KHDRBS2: variants seen among roughly 807,000 people sequenced by gnomAD.
The protein encoded by KHDRBS2 is KH domain-containing, RNA-binding, signal transduction-associated protein 2.
Under a neutral mutation model 44.3 loss-of-function variants are expected in KHDRBS2, and 26 were observed. The observed-to-expected ratio is 0.59, with a 90% CI of 0.43 to 0.81. The LOEUF (loss-of-function observed/expected upper bound fraction) is 0.81. Among genes scored for constraint, KHDRBS2 ranks in the 40% least tolerant of loss-of-function variants. The pLI, the probability that KHDRBS2 is intolerant of heterozygous loss-of-function variation, is 0.00. For missense variants in KHDRBS2, 476 were observed against 433.1 expected, an observed-to-expected ratio of 1.10 and a Z score of -0.88; for synonymous variants, 194 against 151.1, an observed-to-expected ratio of 1.28 and a Z score of -2.08.
chr6:61,772,536 T>A (rs551661945), intron 6 of KHDRBS2, among the ~76,000 whole-genome samples: 55 of 152,296 alleles, frequency 3.6e-4, no homozygotes, highest in African/African-American at 1.3e-3. Context: ...TATAAACACT[T>A]ATACACAAAT....
chr6:61,893,342 C>G (rs904238509), intron 6 of KHDRBS2, among the ~76,000 whole-genome samples: 3 of 152,124 alleles, frequency 2.0e-5, no homozygotes, highest in Non-Finnish European at 4.4e-5. Flanking sequence ...TTGGTGTGGC[C>G]ATTCCTCAGG....
At chr6:62,078,823 G>T (rs1210253598) in intron 2 of KHDRBS2, among the ~76,000 whole-genome samples, 5 of 151,890 alleles carry the variant, frequency 3.3e-5, no homozygotes, top group Admixed American at 1.3e-4. Context: ...AATGGCAAAT[G>T]ACATACTTCA....
chr6:61,993,664 T>TATATATATAC (rs1332926245), intron 3 of KHDRBS2, among the ~76,000 whole-genome samples: 2 of 123,372 alleles, frequency 1.6e-5, no homozygotes, highest in Non-Finnish European at 3.5e-5. Context: ...TATATATATA[T>TATATATATAC]ATATATATAT....
intron 2 of KHDRBS2, among the ~76,000 whole-genome samples, chr6:62,083,787 C>T (rs945519847): frequency 1.3e-5 from 2 of 152,172 alleles, no homozygotes; most frequent in Non-Finnish European, 2.9e-5. Flanking sequence ...CTGAAAAATG[C>T]AGCTTCAGTA....
the KHDRBS2 span, among the ~76,000 whole-genome samples, chr6:61,662,522 A>G: frequency 6.6e-6 from 1 of 152,184 alleles, no homozygotes; most frequent in Non-Finnish European, 1.5e-5. Context: ...TAATATCCAG[A>G]ATCTACAATG....
intron 4 of KHDRBS2, among the ~76,000 whole-genome samples, chr6:61,911,873 C>A (rs1054264820): frequency 2.6e-5 from 4 of 151,634 alleles, no homozygotes; most frequent in African/African-American, 4.9e-5. Flanking sequence ...CCAGCTCCCC[C>A]CAAATTCAAT....
intron 2 of KHDRBS2, among the ~76,000 whole-genome samples, chr6:62,053,734 C>T (rs999167920): frequency 2.6e-5 from 4 of 151,878 alleles, no homozygotes; most frequent in South Asian, 2.1e-4. Context: ...TCAGCACCAA[C>T]GACTCAAACA....
At chr6:61,585,084 C>T in the KHDRBS2 span, among the ~76,000 whole-genome samples, 100 of 151,712 alleles carry the variant, frequency 6.6e-4, no homozygotes, top group African/African-American at 2.2e-3. Flanking sequence ...TGTGGAGCGT[C>T]GAAAAGAGCT....
At chr6:61,624,442 C>T in the KHDRBS2 span, among the ~76,000 whole-genome samples, 1 of 152,192 alleles carries the variant, frequency 6.6e-6, no homozygotes, top group Non-Finnish European at 1.5e-5. Flanking sequence ...ATCACCCTCA[C>T]AGGGATAGAA....
intron 6 of KHDRBS2, among the ~76,000 whole-genome samples, chr6:61,738,958 T>C (rs982710748): frequency 2.0e-5 from 3 of 151,926 alleles, no homozygotes; most frequent in African/African-American, 7.2e-5. Flanking sequence ...GTCCTATCTT[T>C]AAGAAGTTTT....
chr6:61,755,368 A>G (rs983137819), intron 6 of KHDRBS2, among the ~76,000 whole-genome samples: 1 of 152,154 alleles, frequency 6.6e-6, no homozygotes, highest in Non-Finnish European at 1.5e-5. Flanking sequence ...TTAGAGCCTT[A>G]TTAGTCCTGG....
intron 1 of KHDRBS2, among the ~76,000 whole-genome samples, chr6:62,246,099 ATT>A (rs1424054228): frequency 3.7e-4 from 24 of 64,708 alleles, no homozygotes; most frequent in East Asian, 7.9e-4. Context: ...AATTCAATCA[ATT>A]TTATATATAT....
chr6:62,161,463 A>C (rs183676871), intron 2 of KHDRBS2, among the ~76,000 whole-genome samples: 24 of 151,208 alleles, frequency 1.6e-4, no homozygotes, highest in Middle Eastern at 3.4e-3. Context: ...ATAAGTTATT[A>C]TGAGTAACCT....
At chr6:61,772,583 G>C (rs564275829) in intron 6 of KHDRBS2, among the ~76,000 whole-genome samples, 25 of 152,244 alleles carry the variant, frequency 1.6e-4, no homozygotes, top group African/African-American at 5.8e-4. Context: ...TAAATTCCTT[G>C]ACACATACAT....
chr6:61,850,690 T>C (rs1795286329), intron 6 of KHDRBS2, among the ~76,000 whole-genome samples: 1 of 152,198 alleles, frequency 6.6e-6, no homozygotes, highest in Non-Finnish European at 1.5e-5. Context: ...AGGCACTAGT[T>C]TGATTTCAAA....
the KHDRBS2 span, among the ~76,000 whole-genome samples, chr6:61,638,310 T>C: frequency 2.6e-5 from 4 of 151,884 alleles, no homozygotes; most frequent in Admixed American, 1.3e-4. Flanking sequence ...AAAACAGAGA[T>C]ATAGATCAAT....
intron 4 of KHDRBS2, among the ~76,000 whole-genome samples, chr6:61,903,277 C>G (rs1424634244): frequency 6.6e-6 from 1 of 152,120 alleles, no homozygotes; most frequent in East Asian, 1.9e-4. Flanking sequence ...ATCTTTGCAG[C>G]TTCTTCTCTG....
chr6:62,069,442 T>A (rs554042459), intron 2 of KHDRBS2, among the ~76,000 whole-genome samples: 3 of 151,834 alleles, frequency 2.0e-5, no homozygotes, highest in South Asian at 2.1e-4. Context: ...ACAGTACATA[T>A]CAAGTTATTA....
At chr6:61,744,451 A>C (rs1437313645) in intron 6 of KHDRBS2, among the ~76,000 whole-genome samples, 1 of 152,106 alleles carries the variant, frequency 6.6e-6, no homozygotes, top group Non-Finnish European at 1.5e-5. Context: ...AGTCCTGATA[A>C]ATCATCCAAG....
Sources: allele counts gnomAD v4.1 joint callset (sites outside exome capture counted in the v4.1 genomes callset), GRCh38; gene constraint gnomAD v4.1.1; transcripts MANE v1.5; gene names NCBI Gene and HGNC (gene_info 2026-07-23, HGNC 2026-07-21).